Variants in FAN1 observed in about 807,000 individuals in gnomAD.
FAN1 encodes FANCD2 and FANCI associated nuclease 1, also known as fanconi-associated nuclease 1.
Under a neutral mutation model 104.9 loss-of-function variants are expected in FAN1, and 91 were observed. The ratio of observed to expected loss-of-function variants is 0.87; its 90% CI spans 0.73 to 1.03. The LOEUF is 1.03. Ranked by LOEUF, FAN1 falls within the 50% of genes least tolerant of loss-of-function variation. FAN1 has a pLI of 0.00. For missense variants in FAN1, 1,263 were observed against 1,239.9 expected (o/e 1.02, Z -0.28); for synonymous variants, 478 against 457.6 (o/e 1.04, Z -0.57).
chr15:30,928,591 G>A lies in FAN1; in HGVS notation c.2527G>A (p.Gly843Ser). 1.2e-6 allele frequency: 2 copies of A among 1,611,552 alleles called. No individual in the cohort carries two copies. Among genetic ancestry groups the A allele is most frequent in the South Asian group, 2.2e-5 (2 of 90,974 alleles). Residue 843 changes from glycine to serine, a missense_variant, in exon 11 of 15, where the codon GGC becomes AGC. Around this residue, in one of 2 missense-constraint regions of FAN1, gnomAD observed 581 missense variants for 668.8 expected, o/e 0.87. Transcript: ENST00000362065. ...GEGSTFSTLY[G>S]LLLWDIIFMD... ...AGGGTCCACCTTCAGCACCCTGTAT[G>A]GCCTCCTCCTGTGGGACATCATCTT...
Position 30,905,377 on chromosome 15 carries a change from A to C in FAN1, c.714A>C (p.Glu238Asp). 1 of 1,614,122 alleles carries C rather than the reference A, an allele frequency of 6.2e-7. No homozygotes were observed. Among genetic ancestry groups the C allele is most frequent in the African/African-American group, 1.3e-5 (1 of 75,068 alleles). The change falls in exon 2 of 15, where the codon GAA becomes GAC. Residue 238 changes from glutamate to aspartate, a missense_variant. Physicochemically the swap from Glu to Asp is conservative, Grantham distance 45. Coordinates refer to ENST00000362065, the MANE Select transcript of FAN1 (RefSeq NM_014967.5). ...EHMVRGSKIMEAESQKATREC... is the reference protein window; with the variant it reads ...EHMVRGSKIMDAESQKATREC... ...TGGTAAGAGGAAGTAAAATAATGGA[A>C]GCCGAAAGCCAAAAGGCTACCCGGG...
In FAN1 at chr15:30,921,404, A is replaced by G. The variant is rs578208291; in HGVS notation, c.2052+751A>G. Reference sequence around the variant, plus strand: ...GTCTGGAGACAATTTATAATCACAAATCAGAAATTTGTCGTATCCTAAACT... The same window carrying G: ...GTCTGGAGACAATTTATAATCACAAGTCAGAAATTTGTCGTATCCTAAACT... On this transcript the variant is annotated intron_variant, in intron 7 of 14. Coordinates refer to ENST00000362065, the MANE Select transcript of FAN1 (RefSeq NM_014967.5). Among the ~76,000 whole-genome samples, 10 of 152,318 alleles carry G rather than the reference A, an allele frequency of 6.6e-5. No individual in the cohort carries two copies. The East Asian group carries it at 1.9e-3, about 29-fold the overall frequency.
intron 12 of FAN1, among the ~76,000 whole-genome samples, chr15:30,929,841 T>C (rs1251755246): frequency 1.2e-5 from 1 of 81,306 alleles, no homozygotes; most frequent in Admixed American, 2.2e-4. Context: ...TAATATAATA[T>C]ATAAAATATA....
intron 4 of FAN1, among the ~76,000 whole-genome samples, chr15:30,913,299 G>GA (rs1256617772): frequency 1.3e-5 from 2 of 152,038 alleles, no homozygotes; most frequent in Admixed American, 1.3e-4. Context: ...GTTTCATCCC[G>GA]AAACACCTCC....
At chr15:30,932,648 G>C (rs148716222) in intron 13 of FAN1, among the ~76,000 whole-genome samples, 1,816 of 151,462 alleles carry the variant, frequency 0.012, 9 homozygotes, top group Middle Eastern at 0.017. Context: ...TTGCTAGTTT[G>C]TGTCTTTCAA....
At chr15:30,937,965 C>T (rs1245223956) in intron 14 of FAN1, among the ~76,000 whole-genome samples, 1 of 151,340 alleles carries the variant, frequency 6.6e-6, no homozygotes, top group African/African-American at 2.4e-5. Context: ...GCAGGCGCAT[C>T]ATGAGGTCAA....
chr15:30,924,139 G>A (rs1273152150), intron 8 of FAN1, among the ~76,000 whole-genome samples: 1 of 152,198 alleles, frequency 6.6e-6, no homozygotes. Context: ...TCAGCATCAT[G>A]TTTCTGAGCT....
chr15:30,920,621 G>C lies in FAN1; in HGVS notation c.2020G>C (p.Val674Leu). 1 of 1,611,694 alleles carries C rather than the reference G, an allele frequency of 6.2e-7. No individual in the cohort carries two copies. Among genetic ancestry groups the C allele is most frequent in the Non-Finnish European group, 8.5e-7 (1 of 1,178,492 alleles). Residue 674 changes from valine to leucine, a missense_variant, in exon 7 of 15, where the codon GTG becomes CTG. By Grantham distance (32) the Val-to-Leu change is conservative. Around this residue, in one of 2 missense-constraint regions of FAN1, gnomAD observed 581 missense variants for 668.8 expected, o/e 0.87. Coordinates refer to ENST00000362065, the MANE Select transcript of FAN1 (RefSeq NM_014967.5). ...TTATACAAGGATTTTGTCTCGGTTT[G>C]TGGAAATACTGCAGAGACTTCACAT... ...WIYTRILSRF[V>L]EILQRLHMYE...
intron 8 of FAN1, among the ~76,000 whole-genome samples, chr15:30,924,334 C>G (rs1397024603): frequency 6.6e-6 from 1 of 152,158 alleles, no homozygotes; most frequent in Non-Finnish European, 1.5e-5. Flanking sequence ...GGTTTCAATT[C>G]TTTTGGGAAT....
Position 30,908,130 on chromosome 15 carries a change from A to C in FAN1, c.1247A>C (p.Lys416Thr), listed in dbSNP as rs200759965. 6.2e-7 allele frequency: 1 copy of C among 1,606,008 alleles called. No individual in the cohort carries two copies. The highest frequency in any genetic ancestry group is 1.3e-5 in the African/African-American group (1 of 74,714). ...KFYQLSATGQ[K>T]LYVRLFQRKL... ...AACTTTATTGCAGCTACTGGTCAGAAGTTATATGTAAGGCTCTTTCAACGT... is the reference window on the plus strand; with the variant it reads ...AACTTTATTGCAGCTACTGGTCAGACGTTATATGTAAGGCTCTTTCAACGT... The change falls in exon 3 of 15, where the codon AAG becomes ACG. Residue 416 changes from lysine (K) to threonine (T), a missense_variant. Physicochemically the swap from Lys to Thr is moderately conservative, Grantham distance 78 (BLOSUM62 -1). Coordinates refer to ENST00000362065, the MANE Select transcript of FAN1 (RefSeq NM_014967.5).
At chr15:30,913,004 C>T (rs2062129681) in intron 4 of FAN1, among the ~76,000 whole-genome samples, 1 of 152,202 alleles carries the variant, frequency 6.6e-6, no homozygotes, top group Non-Finnish European at 1.5e-5. Context: ...CCAATGTTAT[C>T]CTAGAATAGA....
Position 30,930,078 on chromosome 15 carries a change from G to A in FAN1, c.2788-465G>A, listed in dbSNP as rs183616004. On this transcript the variant is annotated intron_variant, in intron 12 of 14. Coordinates refer to ENST00000362065, the MANE Select transcript of FAN1 (RefSeq NM_014967.5). ...ATATATGAGAATACCCTATCCCCCT[G>A]GCCCCAATGCCACTGTTAGTGATGG... Among the ~76,000 whole-genome samples the A allele has an allele frequency of 4.8e-5, 7 of 146,314 alleles. No individual in the cohort carries two copies. In the South Asian group the frequency reaches 1.3e-3, roughly 27 times the overall value.
rs780829453 is a variant in FAN1 at position 30,910,627 on chromosome 15, A to G, written c.1389A>G (p.Gln463=). 1.3e-6 allele frequency: 2 copies of G among 1,579,928 alleles called. No individual in the cohort carries two copies. Among genetic ancestry groups the G allele is most frequent in the Non-Finnish European group, 1.7e-6 (2 of 1,164,048 alleles). Residue 463 remains glutamine, a synonymous_variant, in exon 4 of 15, where the codon CAA becomes CAG. Coordinates refer to ENST00000362065, the MANE Select transcript of FAN1 (RefSeq NM_014967.5). ...AGFLQTESEL[Q]ELSEVLELLS... ...TAACCATTTCAGAATCTGAGTTGCAAGAACTCTCTGAAGTGCTTGAACTCC... is the reference window on the plus strand; with the variant it reads ...TAACCATTTCAGAATCTGAGTTGCAGGAACTCTCTGAAGTGCTTGAACTCC...
At chr15:30,929,495 T>G in intron 12 of FAN1, 98 bp downstream of exon 12, 1 of 724,438 alleles carries the variant, frequency 1.4e-6, no homozygotes, top group African/African-American at 1.9e-5. Flanking sequence ...TGTGTGTATA[T>G]GTAAATACAT....
At chr15:30,931,977 C>CT (rs1358610142) in intron 13 of FAN1, among the ~76,000 whole-genome samples, 2 of 150,394 alleles carry the variant, frequency 1.3e-5, no homozygotes, top group Non-Finnish European at 3.0e-5. Flanking sequence ...AATCCCAGCA[C>CT]TTTGGGAGAC....
intron 5 of FAN1, 52 bp downstream of exon 5, chr15:30,914,143 G>A (rs1346649486): frequency 7.6e-7 from 1 of 1,317,340 alleles, no homozygotes. Flanking sequence ...TCACAATTTA[G>A]TAAAAGGTTT....
intron 2 of FAN1, among the ~76,000 whole-genome samples, chr15:30,907,623 A>T (rs2062012455): frequency 6.6e-6 from 1 of 152,242 alleles, no homozygotes. Context: ...AGAAAGGAAA[A>T]TAAATGTTGG....
At chr15:30,919,930 AT>A (rs1436404602) in intron 6 of FAN1, among the ~76,000 whole-genome samples, 1 of 152,186 alleles carries the variant, frequency 6.6e-6, no homozygotes, top group African/African-American at 2.4e-5. Flanking sequence ...TCAGCTGTAT[AT>A]TTATAGAGAA....
intron 14 of FAN1, chr15:30,939,369 G>A (rs1440789676): frequency 1.1e-5 from 11 of 985,322 alleles, no homozygotes; most frequent in Admixed American, 6.1e-5. Context: ...TCTCTCTAGT[G>A]CGCCCTGTGC....
Sources: gnomAD v4.1 joint callset for allele counts (sites outside exome capture counted in the v4.1 genomes callset) on GRCh38, gnomAD v4.1.1 for gene constraint, gnomAD v4.1.1 regional missense constraint, MANE v1.5 for transcripts, NCBI Gene and HGNC (gene_info 2026-07-23, HGNC 2026-07-21) for gene names.